BMF: variants seen among roughly 807,000 people sequenced by gnomAD.
BMF encodes bcl-2-modifying factor.
A neutral mutation model predicts 22.0 loss-of-function variants in BMF; 10 were observed. That is an observed-to-expected ratio of 0.45 (90% CI 0.28 to 0.77). BMF has a LOEUF of 0.77. Ranked by LOEUF, BMF falls within the 30% of genes least tolerant of loss-of-function variation. BMF has a pLI of 0.13. For synonymous variants in BMF, 87 were observed against 88.1 expected, an observed-to-expected ratio of 0.99 and a Z score of 0.07; for missense variants, 206 against 226.8, an observed-to-expected ratio of 0.91 and a Z score of 0.59.
chr15:40,098,539 G>A (rs1177089802), intron 4 of BMF, among the ~76,000 whole-genome samples: 1 of 152,136 alleles, frequency 6.6e-6, no homozygotes, highest in African/African-American at 2.4e-5. Flanking sequence ...CTCGACTTGG[G>A]GTCTTTTCAG....
At chr15:40,102,302 G>C (rs2036493114) in intron 4 of BMF, among the ~76,000 whole-genome samples, 1 of 151,462 alleles carries the variant, frequency 6.6e-6, no homozygotes. Flanking sequence ...GGTGGTGCGT[G>C]CCTATAATCC....
rs185745603 is a variant in BMF at position 40,102,523 on chromosome 15, C to A, written c.453+1657G>T. Among the ~76,000 whole-genome samples the A allele has an allele frequency of 2.0e-5, 3 of 152,212 alleles. No individual in the cohort carries two copies. The East Asian group carries it at 5.8e-4, about 29-fold the overall frequency. ...AGGGCCCCCAGGACTGTATCCTAGT[C>A]CTGTGCCAGGGAGGGCTCCCGGCCT... On this transcript the variant is annotated intron_variant, in intron 4 of 4. Transcript: ENST00000354670.
intron 1 of BMF, 74 bp downstream of exon 1, chr15:40,108,699 G>T (rs2036637177): frequency 6.5e-6 from 1 of 152,844 alleles, no homozygotes; most frequent in South Asian, 1.9e-4. Flanking sequence ...TGCGCAGCGC[G>T]ACTCCGCTCC....
Position 40,091,861 on chromosome 15 carries a change from A to G in BMF, c.481T>C (p.Trp161Arg). 1 of 1,609,898 alleles carries G rather than the reference A, an allele frequency of 6.2e-7. No homozygotes were observed. Residue 161 changes from tryptophan to arginine, a missense_variant, in exon 5 of 5, where the codon TGG becomes CGG. By Grantham distance (101) the Trp-to-Arg change is moderately radical. Transcript: ENST00000354670. ...TTGTGCAGGAAGAGGAGGATCTGCC[A>G]CCACACACGATTTTGGTTCTGCTGG... ...QHQQNQNRVW[W>R]QILLFLHNLA...
In BMF at chr15:40,105,941, AGCTGAAGTCG is replaced by A. The variant is rs750107721; in HGVS notation, c.136_145del (p.Arg46SerfsTer40). On this transcript the variant is annotated frameshift_variant, in exon 3 of 5. Transcript: ENST00000354670. LOFTEE classifies it high-confidence loss of function. ...GCCACAGCAGTGGGTGAGAGGGAAG[AGCTGAAGTCG>A]GCTGAGGGGGCAGTCCAGTAGGCTC... is the stretch of plus-strand genomic sequence containing the variant. The A allele has an allele frequency of 6.2e-7, 1 of 1,614,138 alleles. No individual in the cohort carries two copies. The highest frequency in any genetic ancestry group is 1.7e-5 in the Admixed American group (1 of 60,026).
rs1276696292 is a variant in BMF, at chr15:40,087,944, AC to A, written c.*3842del. 6.6e-6 allele frequency: 1 copy of A among 152,272 alleles called. No individual in the cohort carries two copies. The highest frequency in any genetic ancestry group is 1.5e-5 in the Non-Finnish European group (1 of 68,044). 9.4% of individuals were successfully genotyped at this position (152,272 alleles called of 1,614,324 possible). On this transcript the variant is annotated 3_prime_UTR_variant, in exon 5 of 5. Coordinates refer to ENST00000354670, the MANE Select transcript of BMF (RefSeq NM_001003940.2). ...TACCAATTGATGGGGGGAAAGATAT[AC>A]ACACATACACACATATGCATGTGAA...
intron 4 of BMF, among the ~76,000 whole-genome samples, chr15:40,092,279 C>G (rs1595471337): frequency 6.6e-6 from 1 of 150,606 alleles, no homozygotes; most frequent in Admixed American, 6.6e-5. Flanking sequence ...AGAAGAAGTG[C>G]CCCCCTCTCT....
At chr15:40,100,233 G>A (rs923680941) in intron 4 of BMF, among the ~76,000 whole-genome samples, 6 of 152,176 alleles carry the variant, frequency 3.9e-5, no homozygotes, top group South Asian at 2.1e-4. Context: ...CCTTAGGCTC[G>A]TGCTGAATGA....
intron 4 of BMF, among the ~76,000 whole-genome samples, chr15:40,094,621 A>C (rs2036316756): frequency 6.6e-6 from 1 of 152,218 alleles, no homozygotes. Flanking sequence ...TCACTAAGCC[A>C]GCTGAGGTGC....
At position 40,091,569 on chromosome 15, in the gene BMF, T is replaced by C. The variant is rs1196535987; in HGVS notation, c.*218A>G. The C allele has an allele frequency of 2.9e-5, 15 of 516,882 alleles. No homozygotes were observed. Among genetic ancestry groups the C allele is most frequent in the Non-Finnish European group, 4.8e-5 (14 of 289,294 alleles). 32.0% of individuals were successfully genotyped at this position (516,882 alleles called of 1,614,324 possible). On this transcript the variant is annotated 3_prime_UTR_variant, in exon 5 of 5. Transcript: ENST00000354670. ...GACACATCAGCCTCTCCTTCAACAG[T>C]GTTTGACAAAGGCCCCCATTCCAGG...
chr15:40,102,154 C>T (rs1212524635), intron 4 of BMF, among the ~76,000 whole-genome samples: 4 of 152,148 alleles, frequency 2.6e-5, no homozygotes, highest in Admixed American at 6.5e-5. Context: ...GCAAGGCAGG[C>T]GCAGTGGCTC....
chr15:40,091,803 C>G lies in BMF; in HGVS notation c.539G>C (p.Gly180Ala). 6.2e-7 allele frequency: 1 copy of G among 1,608,490 alleles called. No homozygotes were observed. The highest frequency in any genetic ancestry group is 8.5e-7 in the Non-Finnish European group (1 of 1,177,850). ...LALNGEENRN[G>A]AGPR ...AGCCCACCCTCACCTAGGGCCTGCC[C>G]CGTTCCTGTTCTCTTCTCCATTCAA... Residue 180 changes from glycine (G) to alanine (A), a missense_variant, in exon 5 of 5, where the codon GGG (glycine) becomes GCG (alanine). Transcript: ENST00000354670.
Position 40,106,333 on chromosome 15 carries a change from C to G in BMF, c.-5-242G>C. The G allele has an allele frequency of 2.4e-6, 1 of 417,910 alleles. No individual in the cohort carries two copies. The highest frequency in any genetic ancestry group is 5.7e-5 in the South Asian group (1 of 17,668). 25.9% of individuals were successfully genotyped at this position (417,910 alleles called of 1,614,324 possible). A position where few individuals can be genotyped will look rare whatever the true frequency, so the allele number is the denominator to read the frequency against. On this transcript the variant is annotated intron_variant, in intron 2 of 4. Coordinates refer to ENST00000354670, the MANE Select transcript of BMF (RefSeq NM_001003940.2). The surrounding 1 kb of genome is among the most constrained non-coding windows in gnomAD (Gnocchi z 4.1). ...TTCCCTGGGCCCGCCTGGAACCACC[C>G]TTTTTCTTGATCACGTTTTCTGACC... is the stretch of plus-strand genomic sequence containing the variant.
At chr15:40,097,148 GAAGCACCCAACTGAGCTATC>G (rs2036378649) in intron 4 of BMF, among the ~76,000 whole-genome samples, 3 of 151,230 alleles carry the variant, frequency 2.0e-5, no homozygotes, top group South Asian at 4.2e-4. Context: ...ACATTTTAAT[GAAGCACCCAACTGAGCTATC>G]AAGCACCCAA....
intron 4 of BMF, among the ~76,000 whole-genome samples, chr15:40,099,463 A>G (rs574275397): frequency 6.6e-6 from 1 of 152,186 alleles, no homozygotes; most frequent in Non-Finnish European, 1.5e-5. Context: ...CCTTCACATC[A>G]ACTAGGCAAG....
chr15:40,098,429 C>G (rs932440931), intron 4 of BMF, among the ~76,000 whole-genome samples: 4 of 150,234 alleles, frequency 2.7e-5, no homozygotes, highest in Admixed American at 2.6e-4. Flanking sequence ...CAGAAGGGCA[C>G]AATGGTGTGT....
intron 3 of BMF, among the ~76,000 whole-genome samples, chr15:40,105,181 A>C (rs906277206): frequency 1.3e-5 from 2 of 152,240 alleles, no homozygotes; most frequent in Non-Finnish European, 2.9e-5. Flanking sequence ...CAGTGCTAAT[A>C]GAAGAAAACA....
At chr15:40,096,798 A>G (rs1347577845) in intron 4 of BMF, among the ~76,000 whole-genome samples, 1 of 152,238 alleles carries the variant, frequency 6.6e-6, no homozygotes, top group Non-Finnish European at 1.5e-5. Flanking sequence ...TTAACTATTT[A>G]GTAAGGACGC....
At chr15:40,099,195 C>T (rs1434718916) in intron 4 of BMF, among the ~76,000 whole-genome samples, 7 of 152,180 alleles carry the variant, frequency 4.6e-5, no homozygotes. Context: ...TTCCAGAAAA[C>T]CACTCACTAA....
Sources: allele counts gnomAD v4.1 joint callset (sites outside exome capture counted in the v4.1 genomes callset), GRCh38; gene constraint gnomAD v4.1.1; non-coding constraint Gnocchi (gnomAD v3.1); transcripts MANE v1.5; gene names NCBI Gene and HGNC (gene_info 2026-07-23, HGNC 2026-07-21).